SLC8A1: variants seen among roughly 807,000 people sequenced by gnomAD.
SLC8A1 encodes the protein sodium/calcium exchanger 1.
Under a neutral mutation model 68.3 loss-of-function variants are expected in SLC8A1, and 18 were observed. That is an observed-to-expected ratio of 0.26 (90% CI 0.18 to 0.39). The LOEUF (loss-of-function observed/expected upper bound fraction) is 0.39. Ranked by LOEUF, SLC8A1 falls within the 10% of genes least tolerant of loss-of-function variation. The probability of loss-of-function intolerance (pLI) is 1.00; values close to 1 mark genes in which losing one functional copy is unlikely to be tolerated. For missense variants in SLC8A1, 985 were observed against 1,156.7 expected (o/e 0.85, Z 2.15); for synonymous variants, 475 against 415.5 (o/e 1.14, Z -1.74).
intron 2 of SLC8A1, among the ~76,000 whole-genome samples, chr2:40,249,734 A>G (rs2062445854): frequency 6.6e-6 from 1 of 152,222 alleles, no homozygotes; most frequent in South Asian, 2.1e-4. Context: ...ATTGCCAACG[A>G]ATCACTTAAA....
rs767086918 is a variant in SLC8A1 at position 40,160,893 on chromosome 2, T to C, written c.2062-29A>G. On this transcript the variant is annotated intron_variant, in intron 5 of 7. Transcript: ENST00000406785. ...GAAATGTTGAAAAGAAAAATATAAA[T>C]GCTGGGTTCGCTAAGGCCTCAGGAA... is the stretch of plus-strand genomic sequence containing the variant. 1.9e-6 allele frequency: 3 copies of C among 1,555,474 alleles called. No individual in the cohort carries two copies. In the South Asian group the frequency reaches 3.3e-5, roughly 17 times the overall value.
At chr2:40,272,231 A>G (rs533689811) in intron 2 of SLC8A1, among the ~76,000 whole-genome samples, 1 of 152,134 alleles carries the variant, frequency 6.6e-6, no homozygotes, top group African/African-American at 2.4e-5. Context: ...TCATTTATTC[A>G]TTAATCCATT....
chr2:40,357,656 G>A (rs563198319), intron 2 of SLC8A1, among the ~76,000 whole-genome samples: 110 of 152,118 alleles, frequency 7.2e-4, no homozygotes, highest in South Asian at 5.4e-3. Flanking sequence ...AAACCTGCAC[G>A]TTCTGCACAT....
chr2:40,340,193 T>C (rs1359141304), intron 2 of SLC8A1, among the ~76,000 whole-genome samples: 2 of 152,212 alleles, frequency 1.3e-5, no homozygotes, highest in African/African-American at 4.8e-5. Context: ...ATGGAACCTC[T>C]GAAAACTATA....
At chr2:40,328,500 A>G (rs980249020) in intron 2 of SLC8A1, among the ~76,000 whole-genome samples, 2 of 152,108 alleles carry the variant, frequency 1.3e-5, no homozygotes, top group Non-Finnish European at 2.9e-5. Flanking sequence ...AGGTAATGTC[A>G]CCTGATGACT....
intron 4 of SLC8A1, among the ~76,000 whole-genome samples, chr2:40,165,390 T>C (rs974545977): frequency 1.3e-5 from 2 of 152,108 alleles, no homozygotes; most frequent in Non-Finnish European, 2.9e-5. Context: ...AGTGCTAGAG[T>C]GACCCTCAGA....
chr2:40,168,055 G>A (rs1036644961), intron 4 of SLC8A1, among the ~76,000 whole-genome samples: 5 of 151,980 alleles, frequency 3.3e-5, no homozygotes, highest in African/African-American at 2.4e-5. Context: ...CATACAAAAC[G>A]GATCATTTTT....
chr2:40,385,873 A>G lies in SLC8A1; in HGVS notation c.1808+42600T>C, dbSNP rs112496413. 1.2e-3 allele frequency among the ~76,000 whole-genome samples: 187 copies of G among 151,430 alleles called. 1 individual carries two copies. Among genetic ancestry groups the G allele is most frequent in the Non-Finnish European group, 2.1e-3 (140 of 67,964 alleles). ...AATGTCCAAATAAAAAAAAGTACACAAAATGATAATCCACTTGATGATAGA... is the reference window on the plus strand; with the variant it reads ...AATGTCCAAATAAAAAAAAGTACACGAAATGATAATCCACTTGATGATAGA... On this transcript the variant is annotated intron_variant, in intron 2 of 7. Transcript: ENST00000406785.
chr2:40,414,198 C>G lies in SLC8A1; in HGVS notation c.1808+14275G>C, dbSNP rs564976298. 4.6e-5 allele frequency among the ~76,000 whole-genome samples: 7 copies of G among 152,252 alleles called. No homozygotes were observed. In the East Asian group the frequency reaches 1.2e-3, roughly 25 times the overall value. On this transcript the variant is annotated intron_variant, in intron 2 of 7. Coordinates refer to ENST00000406785, the Ensembl canonical transcript of SLC8A1. Reference sequence around the variant, plus strand: ...AGTGAAATTGTATTATTTGCTGTCTCTCATTTTCAGTGTTGATTTTGTTGG... The same window carrying G: ...AGTGAAATTGTATTATTTGCTGTCTGTCATTTTCAGTGTTGATTTTGTTGG...
intron 2 of SLC8A1, among the ~76,000 whole-genome samples, chr2:40,258,707 C>T (rs565650902): frequency 7.9e-5 from 12 of 151,900 alleles, no homozygotes; most frequent in South Asian, 2.1e-4. Flanking sequence ...CCAGGTGTGG[C>T]GGCAGGCACC....
chr2:40,303,146 T>C (rs1461107925), intron 2 of SLC8A1, among the ~76,000 whole-genome samples: 1 of 152,188 alleles, frequency 6.6e-6, no homozygotes, highest in Non-Finnish European at 1.5e-5. Context: ...TTTCCAGAAG[T>C]ACAATTCTCA....
At chr2:40,379,715 A>G (rs1432514012) in intron 2 of SLC8A1, among the ~76,000 whole-genome samples, 1 of 150,154 alleles carries the variant, frequency 6.7e-6, no homozygotes, top group African/African-American at 2.5e-5. Flanking sequence ...CTGTGCCTTT[A>G]TGTCAGCACT....
At chr2:40,236,960 C>T (rs530945645) in intron 2 of SLC8A1, among the ~76,000 whole-genome samples, 66 of 152,180 alleles carry the variant, frequency 4.3e-4, no homozygotes, top group Middle Eastern at 3.4e-3. Flanking sequence ...GGGTTTCTGC[C>T]GAGAGATCCG....
At chr2:40,276,138 T>C (rs72939225) in intron 2 of SLC8A1, among the ~76,000 whole-genome samples, 4,550 of 152,264 alleles carry the variant, frequency 0.03, 243 homozygotes, top group African/African-American at 0.1. Flanking sequence ...GACTGGGAAA[T>C]TGGGCAATCA....
intron 2 of SLC8A1, among the ~76,000 whole-genome samples, chr2:40,382,758 G>C (rs1682293841): frequency 6.6e-6 from 1 of 151,992 alleles, no homozygotes; most frequent in South Asian, 2.1e-4. Context: ...AGCTTTAATT[G>C]TTCTACTAAA....
In SLC8A1 at chr2:40,244,328, G is replaced by A. The variant is rs115810587; in HGVS notation, c.1809-66473C>T. Among the ~76,000 whole-genome samples, 1,377 of 152,170 alleles carry A rather than the reference G, an allele frequency of 9.0e-3. 27 individuals carry two copies. The highest frequency in any genetic ancestry group is 0.031 in the African/African-American group (1,289 of 41,508). ...ATCTACTACGTGAGTCTCCTTCTGA[G>A]CGTTTCCACATCTATTATCTCTTTA... is the stretch of plus-strand genomic sequence containing the variant. On this transcript the variant is annotated intron_variant, in intron 2 of 7. Coordinates refer to ENST00000406785, the Ensembl canonical transcript of SLC8A1.
At position 40,225,136 on chromosome 2, in the gene SLC8A1, T is replaced by C. The variant is rs1248178278; in HGVS notation, c.1809-47281A>G. 2.6e-5 allele frequency among the ~76,000 whole-genome samples: 4 copies of C among 152,118 alleles called. No homozygotes were observed. In the South Asian group the frequency reaches 6.2e-4, roughly 24 times the overall value. On this transcript the variant is annotated intron_variant, in intron 2 of 7. Transcript: ENST00000406785. ...GTATCCCACTTTATCCTCTGAGTGATTGGTCCAAAAGAAAACAAGGAATCT... is the reference window on the plus strand; with the variant it reads ...GTATCCCACTTTATCCTCTGAGTGACTGGTCCAAAAGAAAACAAGGAATCT...
At chr2:40,327,315 G>A (rs749124662) in intron 2 of SLC8A1, among the ~76,000 whole-genome samples, 5 of 152,124 alleles carry the variant, frequency 3.3e-5, no homozygotes, top group Non-Finnish European at 7.3e-5. Context: ...CCTTTGAATT[G>A]TTTTGAAAGA....
intron 2 of SLC8A1, among the ~76,000 whole-genome samples, chr2:40,414,530 A>AT (rs1242322790): frequency 6.6e-6 from 1 of 152,158 alleles, no homozygotes; most frequent in African/African-American, 2.4e-5. Flanking sequence ...TGCATGATTT[A>AT]TTATTCCTTG....
Sources: gnomAD v4.1 joint callset for allele counts (sites outside exome capture counted in the v4.1 genomes callset) on GRCh38, gnomAD v4.1.1 for gene constraint, MANE v1.5 for transcripts, NCBI Gene and HGNC (gene_info 2026-07-23, HGNC 2026-07-21) for gene names.